The following FIGN variants were observed in gnomAD, a reference collection of about 807,000 sequenced individuals.
The protein encoded by FIGN is fidgetin.
FIGN carries 11 observed loss-of-function variants against 51.3 expected under a neutral mutation model. That is an observed-to-expected ratio of 0.21 (90% CI 0.13 to 0.35). The LOEUF (loss-of-function observed/expected upper bound fraction) is 0.35. Among genes scored for constraint, FIGN ranks in the 10% least tolerant of loss-of-function variants. FIGN has a pLI of 1.00. For synonymous variants in FIGN, 407 were observed against 363.2 expected (o/e 1.12, Z -1.37); for missense variants, 857 against 943.6 (o/e 0.91, Z 1.20).
chr2:163,716,355 C>T (rs950424402), intron 2 of FIGN, among the ~76,000 whole-genome samples: 1 of 152,062 alleles, frequency 6.6e-6, no homozygotes, highest in Non-Finnish European at 1.5e-5. Context: ...ATTGGCACTA[C>T]CTTTAAAAAC....
intron 2 of FIGN, among the ~76,000 whole-genome samples, chr2:163,634,680 A>G (rs1324766012): frequency 6.6e-6 from 1 of 152,252 alleles, no homozygotes; most frequent in Non-Finnish European, 1.5e-5. Flanking sequence ...ATAAGTAAAC[A>G]TGAATCCTCT....
chr2:163,628,878 T>G (rs1359848696), intron 2 of FIGN, among the ~76,000 whole-genome samples: 4 of 152,140 alleles, frequency 2.6e-5, no homozygotes, highest in Admixed American at 6.6e-5. Flanking sequence ...TGAAGCAGCT[T>G]CCCTGAATCT....
At chr2:163,621,030 G>T (rs1375540565) in intron 2 of FIGN, among the ~76,000 whole-genome samples, 1 of 152,030 alleles carries the variant, frequency 6.6e-6, no homozygotes, top group Non-Finnish European at 1.5e-5. Context: ...AATGAAATTT[G>T]CATTCATCTA....
At chr2:163,735,466 C>T (rs190859239) in intron 1 of FIGN, among the ~76,000 whole-genome samples, 260 of 152,226 alleles carry the variant, frequency 1.7e-3, no homozygotes, top group Non-Finnish European at 2.8e-3. Flanking sequence ...GAAGTTAGTT[C>T]CCGAAGAAAG....
chr2:163,612,673 A>G lies in FIGN; in HGVS notation c.26-867T>C, dbSNP rs977532611. ...AATCCCTCCTCCCCTTACAGCCTGC[A>G]AGGTACTAAGAGGGGAGAATGTGTG... On this transcript the variant is annotated intron_variant, in intron 2 of 2. Coordinates refer to ENST00000333129, the MANE Select transcript of FIGN (RefSeq NM_018086.4). The G allele has an allele frequency of 8.6e-6, 8 of 926,094 alleles. No individual in the cohort carries two copies. The African/African-American group carries it at 1.5e-4, about 17-fold the overall frequency. 57.4% of individuals were successfully genotyped at this position (926,094 alleles called of 1,614,324 possible).
At position 163,639,978 on chromosome 2, in the gene FIGN, A is replaced by G. The variant is rs370224124; in HGVS notation, c.26-28172T>C. ...AAGAATTGTTATTGTTATTATCATC[A>G]TCTGAGTGCTACCCTTAGTGCTACA... On this transcript the variant is annotated intron_variant, in intron 2 of 2. Transcript: ENST00000333129. Among the ~76,000 whole-genome samples, 13 of 152,266 alleles carry G rather than the reference A, an allele frequency of 8.5e-5. No individual in the cohort carries two copies. The South Asian group carries it at 2.7e-3, about 32-fold the overall frequency.
At chr2:163,638,695 T>C (rs1683262694) in intron 2 of FIGN, among the ~76,000 whole-genome samples, 1 of 152,164 alleles carries the variant, frequency 6.6e-6, no homozygotes, top group African/African-American at 2.4e-5. Context: ...CACACACATT[T>C]ATTTTCACAT....
chr2:163,694,914 A>C (rs1368238877), intron 2 of FIGN, among the ~76,000 whole-genome samples: 1 of 152,070 alleles, frequency 6.6e-6, no homozygotes, highest in Non-Finnish European at 1.5e-5. Flanking sequence ...CGGCCACCTG[A>C]GTAGCTAGGA....
intron 2 of FIGN, among the ~76,000 whole-genome samples, chr2:163,654,486 T>C (rs1683527879): frequency 6.6e-6 from 1 of 152,194 alleles, no homozygotes; most frequent in African/African-American, 2.4e-5. Context: ...GATCTATTTG[T>C]GTAGGGTAGT....
At chr2:163,675,712 T>C (rs1453947264) in intron 2 of FIGN, among the ~76,000 whole-genome samples, 3 of 142,096 alleles carry the variant, frequency 2.1e-5, no homozygotes, top group East Asian at 2.0e-4. Flanking sequence ...CTTTCTTTTT[T>C]TTTTTTTTTT....
intron 2 of FIGN, among the ~76,000 whole-genome samples, chr2:163,683,244 G>T (rs1346377824): frequency 2.0e-5 from 3 of 152,126 alleles, no homozygotes; most frequent in African/African-American, 7.2e-5. Flanking sequence ...GTAAAGTGTT[G>T]CAATAGGAAA....
intron 2 of FIGN, among the ~76,000 whole-genome samples, chr2:163,670,414 A>G (rs954119142): frequency 2.6e-5 from 4 of 152,222 alleles, no homozygotes; most frequent in African/African-American, 4.8e-5. Flanking sequence ...ATATAGTGCA[A>G]TGAAGTCATC....
chr2:163,695,526 T>TAC (rs35863695), intron 2 of FIGN, among the ~76,000 whole-genome samples: 1,750 of 151,554 alleles, frequency 0.012, 12 homozygotes, highest in Non-Finnish European at 0.013. Context: ...CAAAATATCT[T>TAC]ACACACACAC....
chr2:163,612,505 C>T (rs1682770796), intron 2 of FIGN: 6 of 985,178 alleles, frequency 6.1e-6, no homozygotes, highest in South Asian at 4.7e-5. Context: ...AGCGCTCCAT[C>T]GCTTTCATCG....
rs1691191304 is a variant in FIGN at position 163,609,763 on chromosome 2, C to T, written c.2069G>A (p.Gly690Glu). 6.2e-7 allele frequency: 1 copy of T among 1,614,108 alleles called. No individual in the cohort carries two copies. Residue 690 changes from glycine to glutamate, a missense_variant, in exon 3 of 3, where the codon GGA becomes GAA. Physicochemically the swap from Gly to Glu is moderately conservative, Grantham distance 98. Coordinates refer to ENST00000333129, the MANE Select transcript of FIGN (RefSeq NM_018086.4). Reference protein sequence around the residue: ...LLVQRTEGFSGLDVAHLCQEA... With the variant: ...LLVQRTEGFSELDVAHLCQEA... ...CTGACACAAATGAGCCACATCTAGT[C>T]CAGAAAAGCCTTCTGTGCGCTGGAC... is the stretch of plus-strand genomic sequence containing the variant.
intron 2 of FIGN, among the ~76,000 whole-genome samples, chr2:163,687,577 T>A (rs903743446): frequency 4.6e-5 from 7 of 152,186 alleles, no homozygotes; most frequent in African/African-American, 1.7e-4. Flanking sequence ...AAAGAATTAC[T>A]CTTGAGGAAG....
intron 2 of FIGN, among the ~76,000 whole-genome samples, chr2:163,647,361 A>C (rs1683398409): frequency 6.6e-6 from 1 of 152,204 alleles, no homozygotes; most frequent in Non-Finnish European, 1.5e-5. Context: ...TCTCTGCATT[A>C]ATTAAGCATA....
At chr2:163,676,471 A>ATC (rs1683970145) in intron 2 of FIGN, among the ~76,000 whole-genome samples, 1 of 107,834 alleles carries the variant, frequency 9.3e-6, no homozygotes, top group Non-Finnish European at 1.9e-5. Flanking sequence ...ATATATATAT[A>ATC]TATATATATA....
intron 2 of FIGN, among the ~76,000 whole-genome samples, chr2:163,657,607 A>G (rs1683582783): frequency 6.6e-6 from 1 of 151,910 alleles, no homozygotes; most frequent in African/African-American, 2.4e-5. Flanking sequence ...GAGGAATTCT[A>G]CAGAAGACTC....
Sources: gnomAD v4.1 joint callset for allele counts (sites outside exome capture counted in the v4.1 genomes callset) on GRCh38, gnomAD v4.1.1 for gene constraint, MANE v1.5 for transcripts, NCBI Gene and HGNC (gene_info 2026-07-23, HGNC 2026-07-21) for gene names.